Variants in ROR2 observed in about 807,000 individuals in gnomAD.
ROR2 encodes the protein tyrosine-protein kinase transmembrane receptor ROR2.
Under a neutral mutation model 74.9 loss-of-function variants are expected in ROR2, and 33 were observed. That is an observed-to-expected ratio of 0.44 (90% CI 0.33 to 0.59). ROR2 has a LOEUF of 0.59. Among genes scored for constraint, ROR2 ranks in the 20% least tolerant of loss-of-function variants. The pLI, the probability that ROR2 is intolerant of heterozygous loss-of-function variation, is 0.02. For missense variants in ROR2, 1,216 were observed against 1,313.8 expected, an observed-to-expected ratio of 0.93 and a Z score of 1.15; for synonymous variants, 586 against 558.7, an observed-to-expected ratio of 1.05 and a Z score of -0.69.
At chr9:91,910,424 A>T (rs1239769740) in intron 1 of ROR2, among the ~76,000 whole-genome samples, 1 of 152,202 alleles carries the variant, frequency 6.6e-6, no homozygotes, top group Admixed American at 6.5e-5. Context: ...TTAAATAATG[A>T]CTTTGAGATA....
intron 6 of ROR2, among the ~76,000 whole-genome samples, chr9:91,732,604 A>C (rs1167140138): frequency 6.6e-6 from 1 of 152,098 alleles, no homozygotes; most frequent in African/African-American, 2.4e-5. Context: ...GTCCTGCAGC[A>C]TCTCCGTGGG....
chr9:91,775,969 G>T, intron 1 of ROR2, 151 bp from the exon 2 acceptor site: 1 of 716,648 alleles, frequency 1.4e-6, no homozygotes, highest in Non-Finnish European at 2.5e-6. Context: ...AACCTCTAGA[G>T]GGATTTTATA....
At chr9:91,819,498 G>A (rs113239525) in intron 1 of ROR2, among the ~76,000 whole-genome samples, 5 of 151,942 alleles carry the variant, frequency 3.3e-5, no homozygotes, top group South Asian at 2.1e-4. Context: ...GTGTCTCTGC[G>A]TGTCTTGGCG....
chr9:91,829,168 C>G (rs532461326), intron 1 of ROR2, among the ~76,000 whole-genome samples: 1 of 152,318 alleles, frequency 6.6e-6, no homozygotes, highest in Admixed American at 6.5e-5. Context: ...CAGTCGCTTC[C>G]GCGGAGTGCA....
chr9:91,948,117 AG>A (rs1832061844), intron 1 of ROR2, among the ~76,000 whole-genome samples: 1 of 152,226 alleles, frequency 6.6e-6, no homozygotes, highest in Non-Finnish European at 1.5e-5. Context: ...CCAAAACTCA[AG>A]GAACTTTCCT....
chr9:91,855,245 A>G (rs1047035394), intron 1 of ROR2, among the ~76,000 whole-genome samples: 1 of 152,168 alleles, frequency 6.6e-6, no homozygotes, highest in African/African-American at 2.4e-5. Flanking sequence ...AGTTGCTCCT[A>G]GAGTCCATCC....
chr9:91,760,222 C>A (rs1268494518), intron 2 of ROR2, among the ~76,000 whole-genome samples: 1 of 152,252 alleles, frequency 6.6e-6, no homozygotes, highest in East Asian at 1.9e-4. Context: ...CCATCTAAAA[C>A]AAGCTCTATT....
chr9:91,933,761 T>C (rs947417810), intron 1 of ROR2, among the ~76,000 whole-genome samples: 2 of 152,182 alleles, frequency 1.3e-5, no homozygotes, highest in Admixed American at 6.5e-5. Context: ...CTGCATGACA[T>C]TTTCTACATA....
At chr9:91,896,915 G>A (rs573872894) in intron 1 of ROR2, among the ~76,000 whole-genome samples, 3 of 152,108 alleles carry the variant, frequency 2.0e-5, no homozygotes, top group East Asian at 1.9e-4. Context: ...AGCAAACACC[G>A]TTGGGCTCCA....
At chr9:91,907,127 T>C (rs76515420) in intron 1 of ROR2, among the ~76,000 whole-genome samples, 4,851 of 152,294 alleles carry the variant, frequency 0.032, 118 homozygotes, top group South Asian at 0.061. Flanking sequence ...CAGCAGCGTA[T>C]GAAATCCGTT....
In ROR2 at chr9:91,926,572, A is replaced by G. The variant is rs540359162; in HGVS notation, c.97+23295T>C. ...AAAAAAAAAAAAAAGAAGACATCCT[A>G]TATTTATCCTTGCAACAGGATTTGA... On this transcript the variant is annotated intron_variant, in intron 1 of 8. Coordinates refer to ENST00000375708, the MANE Select transcript of ROR2 (RefSeq NM_004560.4). 7.9e-5 allele frequency among the ~76,000 whole-genome samples: 12 copies of G among 151,326 alleles called. No homozygotes were observed. The East Asian group carries it at 2.3e-3, about 29-fold the overall frequency.
At chr9:91,736,123 C>T (rs1380450312) in intron 5 of ROR2, among the ~76,000 whole-genome samples, 1 of 152,158 alleles carries the variant, frequency 6.6e-6, no homozygotes, top group Admixed American at 6.5e-5. Context: ...GCAAAGAAAG[C>T]TTTTGCAGTG....
At chr9:91,948,828 G>A (rs1832083552) in intron 1 of ROR2, 1 of 985,344 alleles carries the variant, frequency 1.0e-6, no homozygotes, top group Admixed American at 6.1e-5. Flanking sequence ...TCCTGGGCCT[G>A]AAGGCCCCGC....
intron 1 of ROR2, among the ~76,000 whole-genome samples, chr9:91,917,532 T>C (rs890715750): frequency 2.0e-5 from 3 of 152,160 alleles, no homozygotes; most frequent in African/African-American, 7.2e-5. Context: ...TCATCTGTGC[T>C]GAAAAGGAAA....
intron 1 of ROR2, among the ~76,000 whole-genome samples, chr9:91,806,466 A>G (rs1827550493): frequency 6.6e-6 from 1 of 152,194 alleles, no homozygotes. Flanking sequence ...GGGGGTGAGG[A>G]TTTCAATATA....
At chr9:91,727,654 G>A (rs1257698144) in intron 7 of ROR2, among the ~76,000 whole-genome samples, 1 of 152,162 alleles carries the variant, frequency 6.6e-6, no homozygotes, top group East Asian at 1.9e-4. Context: ...TCTCTAGAGA[G>A]CCACTTTCCC....
At chr9:91,815,436 C>T (rs745512595) in intron 1 of ROR2, among the ~76,000 whole-genome samples, 4 of 151,880 alleles carry the variant, frequency 2.6e-5, no homozygotes, top group Non-Finnish European at 4.4e-5. Context: ...AATTACAATA[C>T]ATGGGTCAAA....
chr9:91,774,429 G>A (rs1305216939), intron 2 of ROR2, among the ~76,000 whole-genome samples: 1 of 152,168 alleles, frequency 6.6e-6, no homozygotes, highest in Non-Finnish European at 1.5e-5. Flanking sequence ...CCCATAAGTT[G>A]AAGCTCTATC....
rs1339040462 is a variant in ROR2, at chr9:91,723,292, A to G, written c.*370T>C. The stretch of plus-strand genomic sequence containing the variant: ...TGCCTTTTGCAGGCCCTTATTCCCA[A>G]CGTTTTGAAATATTCACTCCATATA... On this transcript the variant is annotated 3_prime_UTR_variant, in exon 9 of 9. Coordinates refer to ENST00000375708, the MANE Select transcript of ROR2 (RefSeq NM_004560.4). 1.4e-5 allele frequency: 3 copies of G among 209,300 alleles called. No individual in the cohort carries two copies. The highest frequency in any genetic ancestry group is 1.2e-4 in the East Asian group (1 of 8,626). The allele number at this position is 209,300 out of a possible 1,614,324, so 13.0% of individuals were successfully genotyped here.
Sources: allele counts gnomAD v4.1 joint callset (sites outside exome capture counted in the v4.1 genomes callset), GRCh38; gene constraint gnomAD v4.1.1; transcripts MANE v1.5; gene names NCBI Gene and HGNC (gene_info 2026-07-23, HGNC 2026-07-21).